Variants in SIPA1L2 observed in about 807,000 individuals in gnomAD.
The protein encoded by SIPA1L2 is signal-induced proliferation-associated 1-like protein 2.
A neutral mutation model predicts 163.9 loss-of-function variants in SIPA1L2; 56 were observed. That is an observed-to-expected ratio of 0.34 (90% CI 0.28 to 0.43). The LOEUF is 0.43. Among genes scored for constraint, SIPA1L2 ranks in the 20% least tolerant of loss-of-function variants. The pLI is 1.00. For synonymous variants in SIPA1L2, 877 were observed against 865.7 expected, an observed-to-expected ratio of 1.01 and a Z score of -0.23; for missense variants, 1,974 against 2,193.5, an observed-to-expected ratio of 0.90 and a Z score of 2.00.
rs372541229 is a variant in SIPA1L2, at chr1:232,460,988, G to A, written c.2994C>T (p.Ala998=). ...GSRLVEICKV[A]VATLTHEQMI... ...TCTGCTCGTGGGTCAGAGTGGCCAC[G>A]GCTACTTTGCAGATCTCCACGAGGC... The change falls in exon 10 of 23, where the codon GCC becomes GCT. Residue 998 remains alanine (A), a synonymous_variant. Coordinates refer to ENST00000674635, the MANE Select transcript of SIPA1L2 (RefSeq NM_020808.5). 9.3e-6 allele frequency: 15 copies of A among 1,614,130 alleles called. No individual in the cohort carries two copies. The highest frequency in any genetic ancestry group is 4.0e-5 in the African/African-American group (3 of 74,940).
At chr1:232,480,438 G>T (rs1490251413) in intron 6 of SIPA1L2, among the ~76,000 whole-genome samples, 3 of 152,062 alleles carry the variant, frequency 2.0e-5, no homozygotes, top group Non-Finnish European at 4.4e-5. Flanking sequence ...AAAAAACTAT[G>T]ACATTTGAAC....
chr1:232,452,747 T>G (rs1663660929), intron 10 of SIPA1L2, among the ~76,000 whole-genome samples: 1 of 152,174 alleles, frequency 6.6e-6, no homozygotes, highest in South Asian at 2.1e-4. Context: ...TACCAAACTA[T>G]CTCCATTAAA....
intron 2 of SIPA1L2, among the ~76,000 whole-genome samples, chr1:232,553,043 G>T (rs1180012096): frequency 6.6e-6 from 1 of 152,164 alleles, no homozygotes; most frequent in Non-Finnish European, 1.5e-5. Context: ...GTGCCCTCTT[G>T]GTACTCGGGT....
intron 4 of SIPA1L2, among the ~76,000 whole-genome samples, chr1:232,493,230 G>A (rs1285637754): frequency 6.6e-6 from 1 of 152,096 alleles, no homozygotes; most frequent in Non-Finnish European, 1.5e-5. Context: ...CAGGTTTCTT[G>A]TTAAGCCTGC....
intron 18 of SIPA1L2, among the ~76,000 whole-genome samples, chr1:232,416,950 A>G (rs1661299014): frequency 6.6e-6 from 1 of 152,226 alleles, no homozygotes; most frequent in Admixed American, 6.5e-5. Context: ...ATCTGAGGAC[A>G]AGTTCTAAAA....
At chr1:232,409,849 T>G (rs1282055372) in intron 19 of SIPA1L2, among the ~76,000 whole-genome samples, 6 of 152,170 alleles carry the variant, frequency 3.9e-5, no homozygotes, top group Non-Finnish European at 8.8e-5. Flanking sequence ...AATAAGCTAT[T>G]GTTGTTTTTA....
intron 15 of SIPA1L2, among the ~76,000 whole-genome samples, chr1:232,432,746 C>G (rs1662325102): frequency 6.6e-6 from 1 of 152,184 alleles, no homozygotes; most frequent in Admixed American, 6.5e-5. Context: ...GGCAACATTC[C>G]TAAACTGATT....
chr1:232,572,757 ATATATATATATATATATATATATT>A (rs1460942417), intron 2 of SIPA1L2, among the ~76,000 whole-genome samples: 37 of 117,738 alleles, frequency 3.1e-4, no homozygotes, highest in East Asian at 1.7e-3. Flanking sequence ...ATATATATAT[ATATATATATATATATATATATATT>A]TATTTATTTA....
intron 2 of SIPA1L2, among the ~76,000 whole-genome samples, chr1:232,567,783 T>TG (rs1659489607): frequency 6.6e-6 from 1 of 152,238 alleles, no homozygotes; most frequent in African/African-American, 2.4e-5. Context: ...AGCTTTAGGA[T>TG]GGGGCTGGTC....
chr1:232,586,897 A>G (rs1270320498), intron 1 of SIPA1L2, among the ~76,000 whole-genome samples: 1 of 152,224 alleles, frequency 6.6e-6, no homozygotes, highest in African/African-American at 2.4e-5. Context: ...TGGCTTTTTA[A>G]GTGAATAATG....
intron 8 of SIPA1L2, among the ~76,000 whole-genome samples, chr1:232,466,723 G>A (rs944120153): frequency 2.6e-4 from 40 of 152,084 alleles, no homozygotes; most frequent in Non-Finnish European, 1.3e-4. Flanking sequence ...CCTCGGAGGC[G>A]GAGCTTGCAG....
At chr1:232,414,706 C>T (rs1368778049) in intron 19 of SIPA1L2, among the ~76,000 whole-genome samples, 1 of 152,176 alleles carries the variant, frequency 6.6e-6, no homozygotes, top group Non-Finnish European at 1.5e-5. Context: ...TTCCCCAGTG[C>T]CAGAGCCTGC....
intron 1 of SIPA1L2, among the ~76,000 whole-genome samples, chr1:232,618,604 A>G (rs528410425): frequency 6.6e-6 from 1 of 151,866 alleles, no homozygotes; most frequent in South Asian, 2.1e-4. Context: ...CAGTGAGCCA[A>G]GATTGCACCA....
At chr1:232,517,170 C>T (rs1416715466) in intron 2 of SIPA1L2, among the ~76,000 whole-genome samples, 4 of 152,136 alleles carry the variant, frequency 2.6e-5, no homozygotes, top group East Asian at 3.8e-4. Flanking sequence ...AATGCATCCA[C>T]GAAATGCAAA....
At chr1:232,615,170 C>T (rs964538587) in intron 1 of SIPA1L2, among the ~76,000 whole-genome samples, 3 of 152,200 alleles carry the variant, frequency 2.0e-5, no homozygotes, top group African/African-American at 7.2e-5. Flanking sequence ...GAATGGTGGC[C>T]ACACTCCATC....
At chr1:232,471,889 G>C (rs1454213358) in intron 7 of SIPA1L2, among the ~76,000 whole-genome samples, 1 of 152,156 alleles carries the variant, frequency 6.6e-6, no homozygotes, top group African/African-American at 2.4e-5. Flanking sequence ...TCCAAGAGAG[G>C]GTACAGGTTT....
At chr1:232,629,353 G>A (rs1479132831) in intron 1 of SIPA1L2, among the ~76,000 whole-genome samples, 2 of 152,238 alleles carry the variant, frequency 1.3e-5, no homozygotes, top group African/African-American at 4.8e-5. Context: ...CGCGGTGAGT[G>A]AGAAGAGCGC....
chr1:232,502,842 T>C (rs960003361), intron 3 of SIPA1L2, among the ~76,000 whole-genome samples: 1 of 152,262 alleles, frequency 6.6e-6, no homozygotes, highest in African/African-American at 2.4e-5. Context: ...TGTAAGACGC[T>C]GCCTAGCTTT....
chr1:232,408,470 A>G (rs1037212348), intron 19 of SIPA1L2, among the ~76,000 whole-genome samples: 11 of 152,210 alleles, frequency 7.2e-5, no homozygotes, highest in Admixed American at 2.0e-4. Flanking sequence ...CAGTAGTAAC[A>G]TATTATCATA....
Sources: gnomAD v4.1 joint callset for allele counts (sites outside exome capture counted in the v4.1 genomes callset) on GRCh38, gnomAD v4.1.1 for gene constraint, MANE v1.5 for transcripts, NCBI Gene and HGNC (gene_info 2026-07-23, HGNC 2026-07-21) for gene names.